Variants in PCDH9 observed in about 807,000 individuals in gnomAD.
PCDH9 encodes protocadherin 9.
PCDH9 carries 24 observed loss-of-function variants against 70.6 expected under a neutral mutation model. The observed-to-expected ratio is 0.34, with a 90% confidence interval of 0.25 to 0.48. PCDH9 has a LOEUF of 0.48. PCDH9 is among the 20% of genes least tolerant of loss of function. PCDH9 has a pLI of 0.99. For missense variants in PCDH9, 1,281 were observed against 1,503.6 expected (o/e 0.85, Z 2.45); for synonymous variants, 562 against 558.5 (o/e 1.01, Z -0.09).
rs2080733618 is a variant in PCDH9, at chr13:66,822,618, T to A, written c.3138+80886A>T. 3.3e-5 allele frequency among the ~76,000 whole-genome samples: 5 copies of A among 151,304 alleles called. No homozygotes were observed. In the South Asian group the frequency reaches 1.1e-3, roughly 32 times the overall value. ...CTTGGCTTACTGCAGCCTCTCCTCC[T>A]GGGTTCAAGGGATTATCTGGCCTCA... On this transcript the variant is annotated intron_variant, in intron 3 of 4. Coordinates refer to ENST00000377865, the MANE Select transcript of PCDH9 (RefSeq NM_203487.3).
chr13:67,056,518 C>A (rs1418666289), intron 2 of PCDH9, among the ~76,000 whole-genome samples: 2 of 152,034 alleles, frequency 1.3e-5, no homozygotes, highest in Non-Finnish European at 2.9e-5. Flanking sequence ...TAGGGATAAC[C>A]CTAGCCTCCT....
chr13:67,064,891 A>ATAGATAGATAG (rs1491329996), intron 2 of PCDH9, among the ~76,000 whole-genome samples: 8 of 148,858 alleles, frequency 5.4e-5, no homozygotes, highest in African/African-American at 2.0e-4. Context: ...CCTGTGTGGA[A>ATAGATAGATAG]ATAGATAGAT....
chr13:67,166,870 T>G (rs1470374899), intron 2 of PCDH9, among the ~76,000 whole-genome samples: 1 of 152,198 alleles, frequency 6.6e-6, no homozygotes, highest in African/African-American at 2.4e-5. Flanking sequence ...TGGAAATATT[T>G]TTTTCATTGG....
At chr13:66,642,242 A>G (rs1026107852) in intron 3 of PCDH9, among the ~76,000 whole-genome samples, 4 of 152,112 alleles carry the variant, frequency 2.6e-5, no homozygotes, top group Non-Finnish European at 5.9e-5. Context: ...GTTGAAAATA[A>G]AATCCAAACT....
intron 3 of PCDH9, among the ~76,000 whole-genome samples, chr13:66,877,798 G>A (rs770011808): frequency 6.6e-6 from 1 of 151,998 alleles, no homozygotes; most frequent in Non-Finnish European, 1.5e-5. Flanking sequence ...TCTTTTCTCT[G>A]GTGGGTGGCT....
intron 3 of PCDH9, among the ~76,000 whole-genome samples, chr13:66,760,312 A>G (rs1226061963): frequency 1.3e-5 from 2 of 152,020 alleles, no homozygotes; most frequent in East Asian, 1.9e-4. Context: ...GTTTTTGATT[A>G]TAATATGTCT....
chr13:67,071,928 A>T (rs552442003), intron 2 of PCDH9, among the ~76,000 whole-genome samples: 1 of 151,188 alleles, frequency 6.6e-6, no homozygotes, highest in African/African-American at 2.4e-5. Flanking sequence ...CTTTAAATAA[A>T]ATGGTTCAAT....
intron 4 of PCDH9, among the ~76,000 whole-genome samples, chr13:66,502,955 C>T (rs1341135144): frequency 6.6e-6 from 1 of 152,178 alleles, no homozygotes; most frequent in East Asian, 1.9e-4. Flanking sequence ...GTGCTAGTTG[C>T]TCCTTTTGCA....
intron 4 of PCDH9, among the ~76,000 whole-genome samples, chr13:66,447,131 T>C (rs1958107063): frequency 6.6e-6 from 1 of 152,026 alleles, no homozygotes; most frequent in Admixed American, 6.6e-5. Flanking sequence ...CTATTTACGG[T>C]CGGAAATATT....
At chr13:66,722,957 G>C (rs1566148783) in intron 3 of PCDH9, among the ~76,000 whole-genome samples, 2 of 132,188 alleles carry the variant, frequency 1.5e-5, no homozygotes, top group African/African-American at 2.9e-5. Context: ...ATCAGAGCCA[G>C]ACTGCATCTC....
intron 3 of PCDH9, among the ~76,000 whole-genome samples, chr13:66,877,180 C>G (rs1038604915): frequency 6.6e-6 from 1 of 151,716 alleles, no homozygotes; most frequent in East Asian, 1.9e-4. Context: ...ATTTCTAATA[C>G]TAGACATGGT....
At chr13:67,114,800 T>G (rs1455172346) in intron 2 of PCDH9, among the ~76,000 whole-genome samples, 1 of 152,114 alleles carries the variant, frequency 6.6e-6, no homozygotes, top group African/African-American at 2.4e-5. Context: ...TATCAGAAAA[T>G]TTGGTGCTAG....
At chr13:67,194,550 A>G (rs2089007912) in intron 2 of PCDH9, among the ~76,000 whole-genome samples, 1 of 152,168 alleles carries the variant, frequency 6.6e-6, no homozygotes, top group Non-Finnish European at 1.5e-5. Flanking sequence ...CTAAAAACTG[A>G]GGAATGGCAG....
chr13:66,810,153 C>T (rs1385211040), intron 3 of PCDH9, among the ~76,000 whole-genome samples: 1 of 152,126 alleles, frequency 6.6e-6, no homozygotes, highest in Non-Finnish European at 1.5e-5. Flanking sequence ...ATTTTATAAT[C>T]ATTGTATATT....
intron 2 of PCDH9, among the ~76,000 whole-genome samples, chr13:67,063,333 A>G (rs1181552411): frequency 1.3e-5 from 2 of 152,142 alleles, no homozygotes; most frequent in Non-Finnish European, 1.5e-5. Context: ...ACCACAAAAA[A>G]AGCCAGGAAG....
At chr13:67,071,390 T>C (rs2085759224) in intron 2 of PCDH9, among the ~76,000 whole-genome samples, 1 of 152,202 alleles carries the variant, frequency 6.6e-6, no homozygotes, top group Admixed American at 6.6e-5. Flanking sequence ...TAAAAATTTG[T>C]AAACTGATAA....
intron 3 of PCDH9, among the ~76,000 whole-genome samples, chr13:66,851,176 T>C (rs2081308848): frequency 6.6e-6 from 1 of 152,156 alleles, no homozygotes; most frequent in African/African-American, 2.4e-5. Flanking sequence ...CCTTAGACAA[T>C]TTTCCTTTGA....
chr13:67,009,338 C>T (rs10492595), intron 2 of PCDH9, among the ~76,000 whole-genome samples: 6,949 of 152,164 alleles, frequency 0.046, 285 homozygotes, highest in African/African-American at 0.11. Context: ...ACTTATCTCA[C>T]TGTACTTAGT....
At chr13:66,560,132 C>T (rs753467797) in intron 4 of PCDH9, among the ~76,000 whole-genome samples, 1 of 151,950 alleles carries the variant, frequency 6.6e-6, no homozygotes, top group African/African-American at 2.4e-5. Context: ...GCCTTCAACC[C>T]GAACACTTCC....
Sources: allele counts gnomAD v4.1 joint callset (sites outside exome capture counted in the v4.1 genomes callset), GRCh38; gene constraint gnomAD v4.1.1; transcripts MANE v1.5; gene names NCBI Gene and HGNC (gene_info 2026-07-23, HGNC 2026-07-21).